Variants in ELAVL2 observed in about 807,000 individuals in gnomAD.
ELAVL2 encodes ELAV like RNA binding protein 2, also known as ELAV-like protein 2.
ELAVL2 carries 4 observed loss-of-function variants against 34.6 expected under a neutral mutation model. The observed-to-expected ratio is 0.12, with a 90% CI of 0.06 to 0.26. The LOEUF (loss-of-function observed/expected upper bound fraction) is 0.26. Among genes scored for constraint, ELAVL2 ranks in the 10% least tolerant of loss-of-function variants. The pLI, the probability that ELAVL2 is intolerant of heterozygous loss-of-function variation, is 1.00. For missense variants in ELAVL2, 432 were observed against 442.8 expected, an observed-to-expected ratio of 0.98 and a Z score of 0.22; for synonymous variants, 193 against 154.8, an observed-to-expected ratio of 1.25 and a Z score of -1.83.
intron 1 of ELAVL2, among the ~76,000 whole-genome samples, chr9:23,774,586 C>G (rs1438353858): frequency 6.6e-6 from 1 of 152,188 alleles, no homozygotes; most frequent in Non-Finnish European, 1.5e-5. Flanking sequence ...AGCCCAAGTA[C>G]TTCACATTAG....
intron 4 of ELAVL2, 25 bp downstream of exon 4, chr9:23,704,893 C>G: frequency 6.2e-7 from 1 of 1,612,402 alleles, no homozygotes; most frequent in Non-Finnish European, 8.5e-7. Context: ...CAGGGAAAGA[C>G]TGTCCGGAGT....
chr9:23,840,508 C>G, the ELAVL2 span, among the ~76,000 whole-genome samples: 1 of 152,158 alleles, frequency 6.6e-6, no homozygotes, highest in Non-Finnish European at 1.5e-5. Context: ...GTGGCTTGAG[C>G]TATTTTGGTT....
intron 1 of ELAVL2, among the ~76,000 whole-genome samples, chr9:23,782,760 G>A (rs979440762): frequency 3.3e-5 from 5 of 152,106 alleles, no homozygotes; most frequent in South Asian, 2.1e-4. Context: ...CCAATGAGGC[G>A]ATTCTACCTG....
At position 23,693,457 on chromosome 9, in the gene ELAVL2, C is replaced by G. The variant is rs770010735; in HGVS notation, c.743G>C (p.Gly248Ala). The G allele has an allele frequency of 6.2e-7, 1 of 1,614,086 alleles. No homozygotes were observed. The highest frequency in any genetic ancestry group is 8.5e-7 in the Non-Finnish European group (1 of 1,179,954). Reference sequence around the variant, plus strand: ...GAACCTCTATCATTACCTCTTTACTCCATAAGCCATATTGAGCAGATTGTC... The same window carrying G: ...GAACCTCTATCATTACCTCTTTACTGCATAAGCCATATTGAGCAGATTGTC... ...RLDNLLNMAY[G>A]VKRFSPMTID... is the part of the protein sequence containing the mutation. Residue 248 changes from glycine (G) to alanine (A), a missense_variant, in exon 6 of 7, where the codon GGA becomes GCA. This residue lies in a region of ELAVL2 where 295 missense variants were observed against 306.1 expected (regional missense o/e 0.96). Coordinates refer to ENST00000397312, the MANE Select transcript of ELAVL2 (RefSeq NM_004432.5).
At chr9:23,715,851 A>G (rs1587600386) in intron 3 of ELAVL2, among the ~76,000 whole-genome samples, 1 of 152,048 alleles carries the variant, frequency 6.6e-6, no homozygotes, top group East Asian at 1.9e-4. Context: ...GGTGTCTTAG[A>G]ATAAAAAACA....
the ELAVL2 span, among the ~76,000 whole-genome samples, chr9:23,845,172 T>C: frequency 6.6e-6 from 1 of 151,764 alleles, no homozygotes; most frequent in African/African-American, 2.4e-5. Context: ...ATACCATAAA[T>C]TTAAAACTGA....
At chr9:23,744,984 C>T (rs1342850908) in intron 2 of ELAVL2, among the ~76,000 whole-genome samples, 1 of 152,096 alleles carries the variant, frequency 6.6e-6, no homozygotes, top group Non-Finnish European at 1.5e-5. Flanking sequence ...GCTAGAGGAT[C>T]ACTTAAGCTC....
intron 1 of ELAVL2, among the ~76,000 whole-genome samples, chr9:23,773,388 C>T (rs1389887010): frequency 1.3e-5 from 2 of 152,148 alleles, no homozygotes; most frequent in African/African-American, 4.8e-5. Flanking sequence ...TCTCACCCAG[C>T]ATAGAGCTTC....
chr9:23,819,767 G>A (rs1477914882), intron 1 of ELAVL2, among the ~76,000 whole-genome samples: 1 of 152,170 alleles, frequency 6.6e-6, no homozygotes, highest in Non-Finnish European at 1.5e-5. Flanking sequence ...AATTACAAAG[G>A]AGGAATCACA....
At chr9:23,813,363 G>A (rs570383545) in intron 1 of ELAVL2, among the ~76,000 whole-genome samples, 16 of 150,502 alleles carry the variant, frequency 1.1e-4, no homozygotes, top group African/African-American at 3.7e-4. Flanking sequence ...GGGAAAGGGA[G>A]AGAAATAACA....
At chr9:23,758,388 A>AG (rs1368379742) in intron 2 of ELAVL2, among the ~76,000 whole-genome samples, 2 of 152,084 alleles carry the variant, frequency 1.3e-5, no homozygotes, top group East Asian at 3.9e-4. Flanking sequence ...TAAGAAACTC[A>AG]GAAAAAAAAA....
At chr9:23,752,213 A>C (rs189584231) in intron 2 of ELAVL2, among the ~76,000 whole-genome samples, 1 of 152,298 alleles carries the variant, frequency 6.6e-6, no homozygotes, top group Admixed American at 6.5e-5. Context: ...TTATGAAAGA[A>C]ACTGACGTTC....
At chr9:23,737,740 G>T (rs997832788) in intron 2 of ELAVL2, among the ~76,000 whole-genome samples, 4 of 152,086 alleles carry the variant, frequency 2.6e-5, no homozygotes, top group African/African-American at 9.7e-5. Context: ...TGAAATAAAA[G>T]AATAAAAGCC....
At chr9:23,765,244 C>A (rs1012325995) in intron 1 of ELAVL2, 8 of 652,180 alleles carry the variant, frequency 1.2e-5, no homozygotes, top group African/African-American at 1.9e-5. Flanking sequence ...CAATTCCAAT[C>A]TAATCTTTCC....
At chr9:23,730,839 A>C (rs1370624076) in intron 3 of ELAVL2, among the ~76,000 whole-genome samples, 183 bp downstream of exon 3, 1 of 152,112 alleles carries the variant, frequency 6.6e-6, no homozygotes, top group East Asian at 1.9e-4. Context: ...TACATGAATG[A>C]TTATACATAG....
intron 2 of ELAVL2, among the ~76,000 whole-genome samples, chr9:23,733,617 G>A (rs1468239665): frequency 6.6e-6 from 1 of 152,092 alleles, no homozygotes; most frequent in Non-Finnish European, 1.5e-5. Flanking sequence ...ACAGTTTATT[G>A]GCCTCCTGAG....
chr9:23,710,341 A>AT (rs2040585646), intron 3 of ELAVL2, among the ~76,000 whole-genome samples: 1 of 152,234 alleles, frequency 6.6e-6, no homozygotes, highest in Non-Finnish European at 1.5e-5. Context: ...TTAAATGTAC[A>AT]TAGCAATGTT....
chr9:23,744,083 G>A (rs1459761467), intron 2 of ELAVL2, among the ~76,000 whole-genome samples: 4 of 152,142 alleles, frequency 2.6e-5, no homozygotes, highest in African/African-American at 9.7e-5. Flanking sequence ...AAGGAGGTTA[G>A]GAGTTTAAGG....
At chr9:23,761,497 G>A (rs149815740) in intron 2 of ELAVL2, among the ~76,000 whole-genome samples, 4 of 151,996 alleles carry the variant, frequency 2.6e-5, no homozygotes, top group East Asian at 3.9e-4. Context: ...GTTAAGGAAC[G>A]GAACATAAGA....
Sources: allele counts gnomAD v4.1 joint callset (sites outside exome capture counted in the v4.1 genomes callset), GRCh38; gene constraint gnomAD v4.1.1; regional missense constraint gnomAD v4.1.1; transcripts MANE v1.5; gene names NCBI Gene and HGNC (gene_info 2026-07-23, HGNC 2026-07-21).